Variants in LNX1 observed in about 807,000 individuals in gnomAD.
The protein encoded by LNX1 is ligand of numb-protein X 1.
In LNX1, 54 loss-of-function variants were observed where a neutral mutation model predicts 68.4. That is an observed-to-expected ratio of 0.79 (90% CI 0.63 to 0.99). LNX1 has a LOEUF of 0.99. Ranked by LOEUF, LNX1 falls within the 50% of genes least tolerant of loss-of-function variation. The probability of loss-of-function intolerance (pLI) is 0.00; values close to 1 mark genes in which losing one functional copy is unlikely to be tolerated. For missense variants in LNX1, 906 were observed against 926.4 expected (o/e 0.98, Z 0.29); for synonymous variants, 336 against 350.0 (o/e 0.96, Z 0.45).
In LNX1 at chr4:53,487,732, T is replaced by C. The variant is rs76930004; in HGVS notation, c.1351-5878A>G. ...AGAGCTGTAATGCGACTGATAACTA[T>C]ATAAGCTGCTTATAGAGCTCGTCCT... On this transcript the variant is annotated intron_variant, in intron 6 of 10. Transcript: ENST00000263925. Among the ~76,000 whole-genome samples the C allele has an allele frequency of 9.6e-3, 1,467 of 152,354 alleles. 23 individuals are homozygous for C. Among genetic ancestry groups the C allele is most frequent in the African/African-American group, 0.034 (1,403 of 41,574 alleles).
intron 2 of LNX1, among the ~76,000 whole-genome samples, chr4:53,513,223 GTCTGGCAGAAGACAGC>G (rs1431481550): frequency 1.3e-5 from 2 of 152,180 alleles, no homozygotes; most frequent in African/African-American, 4.8e-5. Context: ...CCAGAAGGCA[GTCTGGCAGAAGACAGC>G]TCATATCTAT....
intron 2 of LNX1, among the ~76,000 whole-genome samples, chr4:53,540,908 G>A (rs1336372919): frequency 4.6e-5 from 7 of 151,878 alleles, no homozygotes; most frequent in Admixed American, 3.9e-4. Context: ...AGGCTGAGAC[G>A]GGCGGATCAC....
intron 2 of LNX1, among the ~76,000 whole-genome samples, chr4:53,614,819 TC>T (rs1553944016): frequency 6.6e-6 from 1 of 151,958 alleles, no homozygotes; most frequent in Admixed American, 6.5e-5. Flanking sequence ...AGCCTCCTGG[TC>T]ATGGAGCAAT....
At chr4:53,470,612 T>TGAGATG (rs1191180776) in intron 9 of LNX1, among the ~76,000 whole-genome samples, 3 of 152,166 alleles carry the variant, frequency 2.0e-5, no homozygotes, top group Admixed American at 6.5e-5. Context: ...GCCCAAAATC[T>TGAGATG]CCTTAAGCTG....
intron 1 of LNX1, among the ~76,000 whole-genome samples, chr4:53,574,449 GA>G (rs34145850): frequency 0.59 from 88,590 of 150,600 alleles, 26,236 homozygotes; most frequent in Non-Finnish European, 0.63. Flanking sequence ...ATCAGGACAA[GA>G]AAAAAAAAAC....
intron 9 of LNX1, among the ~76,000 whole-genome samples, chr4:53,471,040 C>T (rs1203118449): frequency 1.2e-5 from 1 of 86,884 alleles, no homozygotes; most frequent in African/African-American, 4.1e-5. Context: ...CAAGTCAATC[C>T]TAAGCCAAAG....
chr4:53,542,498 A>G (rs1560655270), intron 2 of LNX1, among the ~76,000 whole-genome samples: 1 of 152,228 alleles, frequency 6.6e-6, no homozygotes, highest in Non-Finnish European at 1.5e-5. Context: ...AACAATCACC[A>G]TCACATTGAT....
chr4:53,646,411 A>G (rs1390159227), intron 1 of LNX1, among the ~76,000 whole-genome samples: 4 of 151,830 alleles, frequency 2.6e-5, no homozygotes, highest in African/African-American at 9.7e-5. Flanking sequence ...ATATCCTCTA[A>G]CCCTGCTGTA....
intron 9 of LNX1, among the ~76,000 whole-genome samples, chr4:53,475,113 A>C (rs1723479393): frequency 6.6e-6 from 1 of 152,218 alleles, no homozygotes; most frequent in Admixed American, 6.5e-5. Context: ...CCCAAGGGCA[A>C]ATGACAAAAG....
chr4:53,575,743 T>C (rs559019849), intron 1 of LNX1: 380 of 1,543,994 alleles, frequency 2.5e-4, no homozygotes, highest in Non-Finnish European at 3.0e-4. Flanking sequence ...CAGCTCTGTA[T>C]TGCATCATCC....
intron 2 of LNX1, among the ~76,000 whole-genome samples, chr4:53,509,961 A>C (rs1726205769): frequency 6.6e-6 from 1 of 152,236 alleles, no homozygotes; most frequent in Non-Finnish European, 1.5e-5. Context: ...TACTAAAATG[A>C]AAAGTTATAG....
At chr4:53,650,938 T>C (rs1443471550) in intron 1 of LNX1, among the ~76,000 whole-genome samples, 2 of 152,192 alleles carry the variant, frequency 1.3e-5, no homozygotes, top group African/African-American at 4.8e-5. Flanking sequence ...GCAGTTGTTA[T>C]GCACCAGGAA....
chr4:53,604,465 C>T (rs1308339984), intron 2 of LNX1, among the ~76,000 whole-genome samples: 1 of 152,070 alleles, frequency 6.6e-6, no homozygotes, highest in Admixed American at 6.6e-5. Flanking sequence ...AGAGCCTATG[C>T]CAATGTGGGA....
chr4:53,579,499 G>A (rs1051125828), intron 1 of LNX1, among the ~76,000 whole-genome samples: 1 of 152,050 alleles, frequency 6.6e-6, no homozygotes. Flanking sequence ...CCTAAAACCT[G>A]TATAGAAGCT....
intron 2 of LNX1, chr4:53,603,488 G>A (rs1733103831): frequency 6.6e-6 from 1 of 152,192 alleles, no homozygotes. Context: ...GGAAATATCT[G>A]TGACTGCTTA....
chr4:53,531,169 T>C (rs1727995355), intron 2 of LNX1, among the ~76,000 whole-genome samples: 1 of 152,116 alleles, frequency 6.6e-6, no homozygotes, highest in South Asian at 2.1e-4. Flanking sequence ...TTCCAGTAAG[T>C]TAAACTCAGC....
At chr4:53,559,432 T>C (rs1366095614) in intron 2 of LNX1, among the ~76,000 whole-genome samples, 2 of 152,186 alleles carry the variant, frequency 1.3e-5, no homozygotes, top group African/African-American at 4.8e-5. Flanking sequence ...ATGTAGGTGC[T>C]GGGGTTAGAG....
At chr4:53,623,915 C>T (rs984479011) in intron 1 of LNX1, among the ~76,000 whole-genome samples, 6 of 152,256 alleles carry the variant, frequency 3.9e-5, no homozygotes, top group Admixed American at 6.5e-5. Flanking sequence ...TTCTAGGTTT[C>T]GAACCTCTTT....
intron 2 of LNX1, among the ~76,000 whole-genome samples, chr4:53,519,367 T>A (rs987074686): frequency 2.6e-5 from 4 of 151,988 alleles, no homozygotes; most frequent in African/African-American, 9.7e-5. Flanking sequence ...GGAGGTACCC[T>A]TTCTCTCCTG....
Sources: allele counts gnomAD v4.1 joint callset (sites outside exome capture counted in the v4.1 genomes callset), GRCh38; gene constraint gnomAD v4.1.1; transcripts MANE v1.5; gene names NCBI Gene and HGNC (gene_info 2026-07-23, HGNC 2026-07-21).